Variants in RILP observed in about 807,000 individuals in gnomAD.
RILP encodes rab-interacting lysosomal protein.
RILP carries 53 observed loss-of-function variants against 40.0 expected under a neutral mutation model. The ratio of observed to expected loss-of-function variants is 1.32; its 90% confidence interval spans 1.06 to 1.66. RILP has a LOEUF of 1.66. Ranked by LOEUF, RILP falls within the 40% of genes most tolerant of loss-of-function variation. The pLI is 0.00. For synonymous variants in RILP, 272 were observed against 250.6 expected, an observed-to-expected ratio of 1.09 and a Z score of -0.80; for missense variants, 626 against 551.7, an observed-to-expected ratio of 1.13 and a Z score of -1.35.
chr17:1,646,944 T>C lies in RILP; in HGVS notation c.990A>G (p.Gly330=). 6.2e-7 allele frequency: 1 copy of C among 1,608,088 alleles called. No homozygotes were observed. Among genetic ancestry groups the C allele is most frequent in the African/African-American group, 1.3e-5 (1 of 74,700 alleles). ...GPWILLSDDK[G]DHPPPPESKI... Reference sequence around the variant, plus strand: ...TGGACTCCGGGGGTGGGGGATGGTCTCCCTTGTCATCGGAGAGCAGGATCC... The same window carrying C: ...TGGACTCCGGGGGTGGGGGATGGTCCCCCTTGTCATCGGAGAGCAGGATCC... Residue 330 remains glycine, a synonymous_variant, in exon 7 of 8, where the codon GGA becomes GGG. Coordinates refer to ENST00000301336, the MANE Select transcript of RILP (RefSeq NM_031430.3). This position sits in a 1 kb window ranked among gnomAD's most constrained non-coding sequence, Gnocchi z 4.3.
At position 1,646,399 on chromosome 17, in the gene RILP, C is replaced by T; in HGVS notation, c.*43G>A. The T allele has an allele frequency of 6.6e-7, 1 of 1,517,706 alleles. No individual in the cohort carries two copies. Among genetic ancestry groups the T allele is most frequent in the Admixed American group, 2.2e-5 (1 of 45,796 alleles). 94.0% of individuals were successfully genotyped at this position (1,517,706 alleles called of 1,614,324 possible). A position where few individuals can be genotyped will look rare whatever the true frequency, so the allele number is the denominator to read the frequency against. On this transcript the variant is annotated 3_prime_UTR_variant, in exon 8 of 8. Transcript: ENST00000301336. The surrounding 1 kb of genome is among the most constrained non-coding windows in gnomAD (Gnocchi z 4.3). Reference sequence around the variant, plus strand: ...AGGGCTGTGAAGGCGGGAGCCCTGTCCTCATTTGAGGCCACACATCCTTCC... The same window carrying T: ...AGGGCTGTGAAGGCGGGAGCCCTGTTCTCATTTGAGGCCACACATCCTTCC...
In RILP at chr17:1,648,788, A is replaced by T. The variant is rs758395174; in HGVS notation, c.675+11T>A. 71 of 1,500,256 alleles carry T rather than the reference A, an allele frequency of 4.7e-5. No homozygotes were observed. The highest frequency in any genetic ancestry group is 5.8e-5 in the Non-Finnish European group (66 of 1,134,512). 92.9% of individuals were successfully genotyped at this position (1,500,256 alleles called of 1,614,324 possible). ...TCCTGGGCTGGGTCCTTGCCCTCAT[A>T]CGGCACTCACCGGGTCCTCAGGGTT... On this transcript the variant is annotated intron_variant, in intron 4 of 7. Transcript: ENST00000301336. The surrounding 1 kb of genome is among the most constrained non-coding windows in gnomAD (Gnocchi z 4.9).
chr17:1,649,092 C>A lies in RILP; in HGVS notation c.430-48G>T. 1 of 1,217,334 alleles carries A rather than the reference C, an allele frequency of 8.2e-7. No homozygotes were observed. Among genetic ancestry groups the A allele is most frequent in the Non-Finnish European group, 1.0e-6 (1 of 971,340 alleles). 75.4% of individuals were successfully genotyped at this position (1,217,334 alleles called of 1,614,324 possible). On this transcript the variant is annotated intron_variant, in intron 3 of 7. Transcript: ENST00000301336. This position sits in a 1 kb window ranked among gnomAD's most constrained non-coding sequence, Gnocchi z 4.3. Reference sequence around the variant, plus strand: ...GGTGGGCGGGGCACCGAGGGCCCCCCGGAGCCCCGCCCAGCGCCTGCCTCG... The same window carrying A: ...GGTGGGCGGGGCACCGAGGGCCCCCAGGAGCCCCGCCCAGCGCCTGCCTCG...
In RILP at chr17:1,646,790, A is replaced by G; in HGVS notation, c.1028+116T>C. On this transcript the variant is annotated intron_variant, in intron 7 of 7. Transcript: ENST00000301336. The surrounding 1 kb of genome is among the most constrained non-coding windows in gnomAD (Gnocchi z 4.3). Reference sequence around the variant, plus strand: ...AGAAGCAGGAGGGGACGGTGTGCTTAGAGCCAAGCACAGCAGGGTGACGGG... The same window carrying G: ...AGAAGCAGGAGGGGACGGTGTGCTTGGAGCCAAGCACAGCAGGGTGACGGG... 9.5e-7 allele frequency: 1 copy of G among 1,055,246 alleles called. No individual in the cohort carries two copies. Among genetic ancestry groups the G allele is most frequent in the Non-Finnish European group, 1.4e-6 (1 of 726,012 alleles). The allele number at this position is 1,055,246 out of a possible 1,614,324, so 65.4% of individuals were successfully genotyped here. A position where few individuals can be genotyped will look rare whatever the true frequency, so the allele number is the denominator to read the frequency against.
rs777190341 is a variant in RILP, at chr17:1,649,538, G to T, written c.229-33C>A. ...GACCCGGGTCTCAGGCTTCGGCCCT[G>T]CCGGCCCCGTGGGTGGCGAAGGGAG... On this transcript the variant is annotated intron_variant, in intron 1 of 7. Transcript: ENST00000301336. This position sits in a 1 kb window ranked among gnomAD's most constrained non-coding sequence, Gnocchi z 4.3. 3.2e-5 allele frequency: 48 copies of T among 1,508,154 alleles called. No individual in the cohort carries two copies. The South Asian group carries it at 3.2e-4, about 10-fold the overall frequency. The allele number at this position is 1,508,154 out of a possible 1,614,324, so 93.4% of individuals were successfully genotyped here. A position where few individuals can be genotyped will look rare whatever the true frequency, so the allele number is the denominator to read the frequency against.
chr17:1,646,902 A>C lies in RILP; in HGVS notation c.1028+4T>G. 6.3e-7 allele frequency: 1 copy of C among 1,589,088 alleles called. No individual in the cohort carries two copies. Among genetic ancestry groups the C allele is most frequent in the Non-Finnish European group, 8.6e-7 (1 of 1,166,748 alleles). On this transcript the variant is annotated splice_donor_region_variant and intron_variant, in intron 7 of 7. Transcript: ENST00000301336. The surrounding 1 kb of genome is among the most constrained non-coding windows in gnomAD (Gnocchi z 4.3). ...CTCTTGCCTTTCCCCTTTCCCCAAC[A>C]TACAAACTCTGTATTTTGGACTCCG...
chr17:1,648,403 A>T lies in RILP; in HGVS notation c.768T>A (p.Asn256Lys). 4 of 1,614,106 alleles carry T rather than the reference A, an allele frequency of 2.5e-6. No individual in the cohort carries two copies. Among genetic ancestry groups the T allele is most frequent in the South Asian group, 1.1e-5 (1 of 91,076 alleles). Residue 256 changes from asparagine to lysine, a missense_variant, in exon 5 of 8, where the codon AAT (asparagine) becomes AAA (lysine). Asn to Lys is a moderately conservative substitution (Grantham distance 94, BLOSUM62 0). Coordinates refer to ENST00000301336, the MANE Select transcript of RILP (RefSeq NM_031430.3). The surrounding 1 kb of genome is among the most constrained non-coding windows in gnomAD (Gnocchi z 4.9). Reference protein sequence around the residue: ...EEFEQILQERNELKAKVFLLK... With the variant: ...EEFEQILQERKELKAKVFLLK... The stretch of plus-strand genomic sequence containing the variant: ...GCAGGAACACTTTGGCTTTGAGTTC[A>T]TTCCGCTCCTGAAGGATCTGCTCAA...
rs1910766683 is a variant in RILP, at chr17:1,648,835, G to A, written c.639C>T (p.Thr213=). ...GGTTCCCTGGGGCGCCTGCGCCGGC[G>A]GTCGCCCATTCGGGCTCCTGTCCGT... The part of the protein sequence containing the change: ...HQHGQEPEWA[T]AGAGAPGNPE... The change falls in exon 4 of 8, where the codon ACC becomes ACT. Residue 213 remains threonine (T), a synonymous_variant. Transcript: ENST00000301336. The surrounding 1 kb of genome is among the most constrained non-coding windows in gnomAD (Gnocchi z 4.9). 6.5e-7 allele frequency: 1 copy of A among 1,536,578 alleles called. No homozygotes were observed. Among genetic ancestry groups the A allele is most frequent in the Non-Finnish European group, 8.7e-7 (1 of 1,152,300 alleles).
rs1410653412 is a variant in RILP, at chr17:1,646,374, A to C, written c.*68T>G. 2.1e-6 allele frequency: 3 copies of C among 1,443,634 alleles called. No homozygotes were observed. The highest frequency in any genetic ancestry group is 2.8e-6 in the Non-Finnish European group (3 of 1,073,700). The allele number at this position is 1,443,634 out of a possible 1,614,324, so 89.4% of individuals were successfully genotyped here. On this transcript the variant is annotated 3_prime_UTR_variant, in exon 8 of 8. Coordinates refer to ENST00000301336, the MANE Select transcript of RILP (RefSeq NM_031430.3). This position sits in a 1 kb window ranked among gnomAD's most constrained non-coding sequence, Gnocchi z 4.3. Reference sequence around the variant, plus strand: ...CCAGGATTGGGGCAGACCCCTGGCGAGGGCTGTGAAGGCGGGAGCCCTGTC... The same window carrying C: ...CCAGGATTGGGGCAGACCCCTGGCGCGGGCTGTGAAGGCGGGAGCCCTGTC...
chr17:1,649,205 C>T lies in RILP; in HGVS notation c.424G>A (p.Glu142Lys), dbSNP rs979020067. Residue 142 changes from glutamate (E) to lysine (K), a missense_variant, in exon 3 of 8, where the codon GAG becomes AAG. By Grantham distance (56) the Glu-to-Lys change is moderately conservative. Transcript: ENST00000301336. The surrounding 1 kb of genome is among the most constrained non-coding windows in gnomAD (Gnocchi z 4.3). The part of the protein sequence containing the change: ...RDLRQRGQET[E>K]ALQEQLQRLL... ...GAGCCCCGCCCCGCCCTCACCGCCT[C>T]GGTCTCCTGGCCGCGCTGCCGCAGG... 24 of 1,475,724 alleles carry T rather than the reference C, an allele frequency of 1.6e-5. No homozygotes were observed. Among genetic ancestry groups the T allele is most frequent in the Non-Finnish European group, 2.1e-5 (23 of 1,119,500 alleles). 91.4% of individuals were successfully genotyped at this position (1,475,724 alleles called of 1,614,324 possible). A position where few individuals can be genotyped will look rare whatever the true frequency, so the allele number is the denominator to read the frequency against.
chr17:1,647,698 G>T, intron 6 of RILP, 137 bp downstream of exon 6: 1 of 1,121,490 alleles, frequency 8.9e-7, no homozygotes, highest in Non-Finnish European at 1.3e-6. Context: ...AGGCTAGGGA[G>T]GCTCAAGGGG....
chr17:1,648,012 G>T lies in RILP; in HGVS notation c.822-55C>A. 1.2e-6 allele frequency: 2 copies of T among 1,604,540 alleles called. No homozygotes were observed. The highest frequency in any genetic ancestry group is 2.2e-5 in the South Asian group (2 of 90,648). On this transcript the variant is annotated intron_variant, in intron 5 of 7. Coordinates refer to ENST00000301336, the MANE Select transcript of RILP (RefSeq NM_031430.3). This position sits in a 1 kb window ranked among gnomAD's most constrained non-coding sequence, Gnocchi z 4.9. ...CCCTGGTGATGCCAGCCATGGGGAT[G>T]CCAGCAGTGGAGATGCCAGCCGCAG...
Position 1,649,488 on chromosome 17 carries a change from C to A in RILP, c.246G>T (p.Gln82His). Residue 82 changes from glutamine (Q) to histidine (H), a missense_variant, in exon 2 of 8, where the codon CAG (glutamine) becomes CAT (histidine). Gln to His is a conservative substitution (Grantham distance 24, BLOSUM62 0). Coordinates refer to ENST00000301336, the MANE Select transcript of RILP (RefSeq NM_031430.3). This position sits in a 1 kb window ranked among gnomAD's most constrained non-coding sequence, Gnocchi z 4.3. Reference protein sequence around the residue: ...PAPDSLQVSAQPAEQELRRLR... With the variant: ...PAPDSLQVSAHPAEQELRRLR... The stretch of plus-strand genomic sequence containing the variant: ...GCCGCCGCAGCTCCTGCTCCGCCGG[C>A]TGCGCCGACACCTGCAGCTGGGGAG... The A allele has an allele frequency of 6.6e-7, 1 of 1,511,232 alleles. No individual in the cohort carries two copies. The highest frequency in any genetic ancestry group is 8.8e-7 in the Non-Finnish European group (1 of 1,138,188). The allele number at this position is 1,511,232 out of a possible 1,614,324, so 93.6% of individuals were successfully genotyped here. A position where few individuals can be genotyped will look rare whatever the true frequency, so the allele number is the denominator to read the frequency against.
In RILP at chr17:1,649,339, C is replaced by T. The variant is rs376228200; in HGVS notation, c.323-33G>A. The T allele has an allele frequency of 1.3e-6, 2 of 1,487,348 alleles. No individual in the cohort carries two copies. Among genetic ancestry groups the T allele is most frequent in the African/African-American group, 1.5e-5 (1 of 68,436 alleles). 92.1% of individuals were successfully genotyped at this position (1,487,348 alleles called of 1,614,324 possible). On this transcript the variant is annotated intron_variant, in intron 2 of 7. Transcript: ENST00000301336. This position sits in a 1 kb window ranked among gnomAD's most constrained non-coding sequence, Gnocchi z 4.3. Reference sequence around the variant, plus strand: ...AGGGGCGTTCTTAGCGGCGGCGGCGCGCGGCCCGCGGGAGGGAGGGGAGGA... The same window carrying T: ...AGGGGCGTTCTTAGCGGCGGCGGCGTGCGGCCCGCGGGAGGGAGGGGAGGA...
In RILP at chr17:1,649,625, C is replaced by A; in HGVS notation, c.180G>T (p.Arg60=). Residue 60 remains arginine (R), a synonymous_variant, in exon 1 of 8, where the codon CGG becomes CGT. Transcript: ENST00000301336. The surrounding 1 kb of genome is among the most constrained non-coding windows in gnomAD (Gnocchi z 4.3). ...AAAGLVPLVV[R]ALELLEQAAV... is the part of the protein sequence containing the mutation. The stretch of plus-strand genomic sequence containing the variant: ...CAGCCTGTTCCAAGAGCTCCAGCGC[C>A]CGCACCACTAGCGGCACCAGCCCGG... 6.3e-7 allele frequency: 1 copy of A among 1,582,884 alleles called. No individual in the cohort carries two copies. Among genetic ancestry groups the A allele is most frequent in the Non-Finnish European group, 8.5e-7 (1 of 1,172,538 alleles).
chr17:1,649,540 C>A lies in RILP; in HGVS notation c.229-35G>T, dbSNP rs770356695. On this transcript the variant is annotated intron_variant, in intron 1 of 7. Coordinates refer to ENST00000301336, the MANE Select transcript of RILP (RefSeq NM_031430.3). This position sits in a 1 kb window ranked among gnomAD's most constrained non-coding sequence, Gnocchi z 4.3. ...CCCGGGTCTCAGGCTTCGGCCCTGC[C>A]GGCCCCGTGGGTGGCGAAGGGAGGG... The A allele has an allele frequency of 4.6e-6, 7 of 1,509,248 alleles. No homozygotes were observed. The highest frequency in any genetic ancestry group is 3.7e-5 in the South Asian group (3 of 80,620). The allele number at this position is 1,509,248 out of a possible 1,614,324, so 93.5% of individuals were successfully genotyped here. A position where few individuals can be genotyped will look rare whatever the true frequency, so the allele number is the denominator to read the frequency against.
In RILP at chr17:1,646,464, GC is replaced by G; in HGVS notation, c.1183del (p.Ala395ProfsTer96). 6.3e-7 allele frequency: 1 copy of G among 1,590,346 alleles called. No homozygotes were observed. The highest frequency in any genetic ancestry group is 8.6e-7 in the Non-Finnish European group (1 of 1,168,912). ...AAGTCAGGCCTCTGGGGCGGCTGAG[GC>G]CCCCAGACAAAGGTGTTCGTGGAGG... ...SALHEHLCLG[A>X]SAAPEA On this transcript the variant is annotated frameshift_variant, in exon 8 of 8. Transcript: ENST00000301336. LOFTEE classifies it high-confidence loss of function. This position sits in a 1 kb window ranked among gnomAD's most constrained non-coding sequence, Gnocchi z 4.3.
rs749888917 is a variant in RILP, at chr17:1,649,537, TGCCG to T, written c.228+36_229-33del. ...AGACCCGGGTCTCAGGCTTCGGCCC[TGCCG>T]GCCCCGTGGGTGGCGAAGGGAGGGC... On this transcript the variant is annotated intron_variant, in intron 1 of 7. Transcript: ENST00000301336. The surrounding 1 kb of genome is among the most constrained non-coding windows in gnomAD (Gnocchi z 4.3). The T allele has an allele frequency of 2.9e-5, 44 of 1,508,214 alleles. No homozygotes were observed. In the Middle Eastern group the frequency reaches 5.7e-4, roughly 20 times the overall value. The allele number at this position is 1,508,214 out of a possible 1,614,324, so 93.4% of individuals were successfully genotyped here.
In RILP at chr17:1,649,077, GCACC is replaced by G; in HGVS notation, c.430-37_430-34del. 5.0e-6 allele frequency: 1 copy of G among 198,152 alleles called. No individual in the cohort carries two copies. Among genetic ancestry groups the G allele is most frequent in the Non-Finnish European group, 1.0e-5 (1 of 99,376 alleles). The allele number at this position is 198,152 out of a possible 1,614,324, so 12.3% of individuals were successfully genotyped here. A position where few individuals can be genotyped will look rare whatever the true frequency, so the allele number is the denominator to read the frequency against. ...CGGAGCAAAGGGTGGGGTGGGCGGGGCACCGAGGGCCCCCCGGAGCCCCGCCCAG... is the reference window on the plus strand; with the variant it reads ...CGGAGCAAAGGGTGGGGTGGGCGGGGGAGGGCCCCCCGGAGCCCCGCCCAG... On this transcript the variant is annotated intron_variant, in intron 3 of 7. Coordinates refer to ENST00000301336, the MANE Select transcript of RILP (RefSeq NM_031430.3). This position sits in a 1 kb window ranked among gnomAD's most constrained non-coding sequence, Gnocchi z 4.3.
Sources: gnomAD v4.1 joint callset for allele counts on GRCh38, gnomAD v4.1.1 for gene constraint, Gnocchi (gnomAD v3.1) non-coding constraint, MANE v1.5 for transcripts, NCBI Gene and HGNC (gene_info 2026-07-23, HGNC 2026-07-21) for gene names.